SWAP70: variants seen among roughly 807,000 people sequenced by gnomAD.
SWAP70 encodes switch-associated protein 70.
Under a neutral mutation model 80.2 loss-of-function variants are expected in SWAP70, and 34 were observed. The observed-to-expected ratio is 0.42, with a 90% CI of 0.32 to 0.56. The LOEUF (loss-of-function observed/expected upper bound fraction) is 0.56. SWAP70 is among the 20% of genes least tolerant of loss of function. The pLI, the probability that SWAP70 is intolerant of heterozygous loss-of-function variation, is 0.09. For synonymous variants in SWAP70, 239 were observed against 238.5 expected, an observed-to-expected ratio of 1.00 and a Z score of -0.02; for missense variants, 578 against 690.7, an observed-to-expected ratio of 0.84 and a Z score of 1.83.
At chr11:9,739,157 G>C (rs1218535590) in intron 8 of SWAP70, among the ~76,000 whole-genome samples, 1 of 152,148 alleles carries the variant, frequency 6.6e-6, no homozygotes, top group Non-Finnish European at 1.5e-5. Flanking sequence ...TCATCCTAGA[G>C]GCTTCCATCT....
At chr11:9,711,760 C>T (rs1172489474) in intron 2 of SWAP70, among the ~76,000 whole-genome samples, 1 of 152,172 alleles carries the variant, frequency 6.6e-6, no homozygotes, top group Non-Finnish European at 1.5e-5. Flanking sequence ...AGCCTAATTT[C>T]AGAGCCTAGA....
chr11:9,697,053 A>G (rs914677646), intron 2 of SWAP70, among the ~76,000 whole-genome samples: 1 of 152,116 alleles, frequency 6.6e-6, no homozygotes, highest in Non-Finnish European at 1.5e-5. Flanking sequence ...CTCAAAAAAT[A>G]TATAAATAAA....
At chr11:9,665,247 A>T (rs1211750379) in intron 1 of SWAP70, among the ~76,000 whole-genome samples, 1 of 152,222 alleles carries the variant, frequency 6.6e-6, no homozygotes, top group Non-Finnish European at 1.5e-5. Flanking sequence ...ATTTTTGTAC[A>T]GTAATCCCGT....
At chr11:9,730,117 C>G (rs1263295673) in intron 6 of SWAP70, among the ~76,000 whole-genome samples, 3 of 152,214 alleles carry the variant, frequency 2.0e-5, no homozygotes, top group African/African-American at 7.2e-5. Context: ...CTCCTGCCTT[C>G]CCACATTTCT....
At chr11:9,710,590 G>A (rs944545430) in intron 2 of SWAP70, among the ~76,000 whole-genome samples, 22 of 151,272 alleles carry the variant, frequency 1.5e-4, no homozygotes, top group Non-Finnish European at 3.1e-4. Flanking sequence ...GAAATGCTTC[G>A]CTGATGTTAT....
chr11:9,714,339 T>G (rs1426663308), intron 3 of SWAP70, among the ~76,000 whole-genome samples: 1 of 152,242 alleles, frequency 6.6e-6, no homozygotes, highest in African/African-American at 2.4e-5. Context: ...AGTCTTCATT[T>G]TCTCATCTGT....
chr11:9,665,610 C>T lies in SWAP70; in HGVS notation c.99+1332C>T, dbSNP rs377109645. 7.2e-5 allele frequency among the ~76,000 whole-genome samples: 11 copies of T among 152,300 alleles called. 1 individual carries two copies. In the South Asian group the frequency reaches 2.3e-3, roughly 32 times the overall value. On this transcript the variant is annotated intron_variant, in intron 1 of 11. Coordinates refer to ENST00000318950, the MANE Select transcript of SWAP70 (RefSeq NM_015055.4). ...CTATAGTTTTACCTTTTCCGAAGTG[C>T]CATGTAAATGGAGTCATATAGTTTG...
intron 1 of SWAP70, among the ~76,000 whole-genome samples, chr11:9,667,051 G>A (rs1440633961): frequency 1.3e-5 from 2 of 152,008 alleles, no homozygotes; most frequent in Non-Finnish European, 2.9e-5. Context: ...TTTTAGTAGA[G>A]ACGGGGTTTC....
chr11:9,703,841 C>T (rs1850864825), intron 2 of SWAP70, among the ~76,000 whole-genome samples: 1 of 152,112 alleles, frequency 6.6e-6, no homozygotes, highest in African/African-American at 2.4e-5. Flanking sequence ...CCTTTGATTT[C>T]AAAGAATTCA....
intron 1 of SWAP70, among the ~76,000 whole-genome samples, chr11:9,687,294 C>A (rs537908180): frequency 7.9e-5 from 12 of 152,226 alleles, no homozygotes; most frequent in African/African-American, 2.9e-4. Flanking sequence ...AAAAGTTATA[C>A]CAAATATAAT....
intron 9 of SWAP70, among the ~76,000 whole-genome samples, chr11:9,743,423 G>A (rs1476942672): frequency 6.6e-6 from 1 of 151,860 alleles, no homozygotes; most frequent in East Asian, 1.9e-4. Context: ...CCAGTAATGG[G>A]ATGGCTGGGT....
chr11:9,692,050 C>G (rs940988591), intron 1 of SWAP70, among the ~76,000 whole-genome samples: 36 of 152,068 alleles, frequency 2.4e-4, no homozygotes, highest in Admixed American at 8.5e-4. Context: ...CTTTTCTGAA[C>G]TCATTTATTG....
chr11:9,747,804 G>A (rs1021734016), intron 9 of SWAP70, 54 bp from the exon 10 acceptor site: 7 of 1,561,062 alleles, frequency 4.5e-6, no homozygotes, highest in Non-Finnish European at 6.2e-6. Flanking sequence ...CGTCTGCTGG[G>A]TCAGGGTGGT....
At position 9,724,269 on chromosome 11, in the gene SWAP70, T is replaced by C. The variant is rs192125527; in HGVS notation, c.415-389T>C. Among the ~76,000 whole-genome samples the C allele has an allele frequency of 1.4e-4, 22 of 152,360 alleles. No homozygotes were observed. The Middle Eastern group carries it at 0.01, about 71-fold the overall frequency. On this transcript the variant is annotated intron_variant, in intron 3 of 11. Coordinates refer to ENST00000318950, the MANE Select transcript of SWAP70 (RefSeq NM_015055.4). Reference sequence around the variant, plus strand: ...TAAATTGATCAATAACTTGTACATATTACTTTGAGATGTTTAATTTAGCGC... The same window carrying C: ...TAAATTGATCAATAACTTGTACATACTACTTTGAGATGTTTAATTTAGCGC...
At chr11:9,714,091 AAAAG>A (rs1214540014) in intron 3 of SWAP70, among the ~76,000 whole-genome samples, 1 of 152,202 alleles carries the variant, frequency 6.6e-6, no homozygotes, top group African/African-American at 2.4e-5. Flanking sequence ...CTTTCAAAGT[AAAAG>A]AAAGAGAATG....
intron 9 of SWAP70, chr11:9,742,074 A>G (rs1851447823): frequency 6.6e-6 from 1 of 151,380 alleles, no homozygotes; most frequent in African/African-American, 2.4e-5. Context: ...ACCCTGTCTC[A>G]AAAAAAACAC....
intron 7 of SWAP70, among the ~76,000 whole-genome samples, chr11:9,733,746 A>G (rs1851329751): frequency 6.6e-6 from 1 of 152,072 alleles, no homozygotes; most frequent in Non-Finnish European, 1.5e-5. Context: ...GCCGTATGTG[A>G]TTGCTGCTGC....
At chr11:9,745,965 C>T (rs1021738720) in intron 9 of SWAP70, among the ~76,000 whole-genome samples, 1 of 152,250 alleles carries the variant, frequency 6.6e-6, no homozygotes, top group African/African-American at 2.4e-5. Flanking sequence ...GCCCCAACTA[C>T]AGCCCAAGCC....
Position 9,749,211 on chromosome 11 carries a change from A to G in SWAP70, c.1651+28A>G, listed in dbSNP as rs377388178. On this transcript the variant is annotated intron_variant, in intron 11 of 11. Transcript: ENST00000318950. ...AACAGACTCTATGAAGTAATCATAT[A>G]TTTATTTTTATTTTTCATTTTTATT... 30 of 1,186,558 alleles carry G rather than the reference A, an allele frequency of 2.5e-5. 1 individual carries two copies. The African/African-American group carries it at 4.9e-4, about 19-fold the overall frequency. The allele number at this position is 1,186,558 out of a possible 1,614,324, so 73.5% of individuals were successfully genotyped here. A position where few individuals can be genotyped will look rare whatever the true frequency, so the allele number is the denominator to read the frequency against.
Sources: allele counts gnomAD v4.1 joint callset (sites outside exome capture counted in the v4.1 genomes callset), GRCh38; gene constraint gnomAD v4.1.1; transcripts MANE v1.5; gene names NCBI Gene and HGNC (gene_info 2026-07-23, HGNC 2026-07-21).